MED12L: variants seen among roughly 807,000 people sequenced by gnomAD.
MED12L encodes mediator of RNA polymerase II transcription subunit 12-like protein.
Under a neutral mutation model 281.3 loss-of-function variants are expected in MED12L, and 60 were observed. That is an observed-to-expected ratio of 0.21 (90% CI 0.17 to 0.26). The LOEUF (loss-of-function observed/expected upper bound fraction) is 0.26, where lower values mean the gene tolerates loss of function less well. Among genes scored for constraint, MED12L ranks in the 10% least tolerant of loss-of-function variants. The probability of loss-of-function intolerance (pLI) is 1.00; values close to 1 mark genes in which losing one functional copy is unlikely to be tolerated. For synonymous variants in MED12L, 974 were observed against 987.2 expected (o/e 0.99, Z 0.25); for missense variants, 2,146 against 2,680.9 (o/e 0.80, Z 4.41).
intron 16 of MED12L, among the ~76,000 whole-genome samples, chr3:151,222,122 G>C (rs112984126): frequency 0.018 from 2,801 of 152,306 alleles, 82 homozygotes; most frequent in African/African-American, 0.064. Context: ...TAGCCCCTTT[G>C]TTTCAGCCAG....
At chr3:151,107,240 G>C (rs558565731) in intron 2 of MED12L, among the ~76,000 whole-genome samples, 2 of 152,270 alleles carry the variant, frequency 1.3e-5, no homozygotes, top group Admixed American at 1.3e-4. Flanking sequence ...TCTCCTTAGA[G>C]TTAATATTAT....
rs1415554779 is a variant in MED12L, at chr3:151,430,391, C to T, written c.6490+11C>T. On this transcript the variant is annotated intron_variant, in intron 44 of 44. Coordinates refer to ENST00000687756, the MANE Select transcript of MED12L (RefSeq NM_001393769.1). Reference sequence around the variant, plus strand: ...AGAAGCAGCTTTCCAGTAAGTACCCCTGTGTGTCATGGAACAGACAGCTCC... The same window carrying T: ...AGAAGCAGCTTTCCAGTAAGTACCCTTGTGTGTCATGGAACAGACAGCTCC... 6.2e-7 allele frequency: 1 copy of T among 1,613,826 alleles called. No homozygotes were observed. Among genetic ancestry groups the T allele is most frequent in the South Asian group, 1.1e-5 (1 of 91,066 alleles).
chr3:151,237,614 G>C (rs1733183120), intron 16 of MED12L, among the ~76,000 whole-genome samples: 1 of 152,034 alleles, frequency 6.6e-6, no homozygotes, highest in Non-Finnish European at 1.5e-5. Context: ...GCCTCCCAAA[G>C]TGCTGGGATT....
At chr3:151,205,590 G>A (rs901368756) in intron 16 of MED12L, among the ~76,000 whole-genome samples, 2 of 152,270 alleles carry the variant, frequency 1.3e-5, no homozygotes, top group Non-Finnish European at 1.5e-5. Flanking sequence ...GTTGGGGTCG[G>A]TGGTCACTGC....
chr3:151,371,488 G>A (rs1241252564), intron 26 of MED12L, among the ~76,000 whole-genome samples: 2 of 152,150 alleles, frequency 1.3e-5, no homozygotes, highest in African/African-American at 2.4e-5. Flanking sequence ...ATTATATATT[G>A]ATAAATTGAA....
intron 16 of MED12L, among the ~76,000 whole-genome samples, chr3:151,243,164 A>C (rs957196028): frequency 2.0e-5 from 3 of 152,056 alleles, no homozygotes; most frequent in African/African-American, 4.8e-5. Context: ...AGTGATGGGG[A>C]GAATGGAACC....
chr3:151,355,724 G>A (rs989354150), intron 18 of MED12L, among the ~76,000 whole-genome samples, 172 bp from the exon 19 acceptor site: 1 of 152,146 alleles, frequency 6.6e-6, no homozygotes, highest in Non-Finnish European at 1.5e-5. Context: ...TAGTTATGAA[G>A]AAATCATTTT....
At chr3:151,295,135 G>T (rs1189624744) in intron 16 of MED12L, 5 of 1,613,212 alleles carry the variant, frequency 3.1e-6, no homozygotes, top group Non-Finnish European at 4.2e-6. Flanking sequence ...CAAATTCATT[G>T]TGAAGGGTGG....
At position 151,368,586 on chromosome 3, in the gene MED12L, ATTTATTTTAT is replaced by A. The variant is rs71637017; in HGVS notation, c.3550+373_3550+382del. On this transcript the variant is annotated intron_variant, in intron 25 of 44. Coordinates refer to ENST00000687756, the MANE Select transcript of MED12L (RefSeq NM_001393769.1). Reference sequence around the variant, plus strand: ...ATCACAGCAGCTTAGGGCAATGGTGATTTATTTTATTTTATTTTATTTTATTTTATTTTAT... The same window carrying A: ...ATCACAGCAGCTTAGGGCAATGGTGATTTATTTTATTTTATTTTATTTTAT... Among the ~76,000 whole-genome samples the A allele has an allele frequency of 1.1e-3, 138 of 120,788 alleles. 2 individuals carry two copies. In the East Asian group the frequency reaches 0.014, roughly 12 times the overall value. The allele number at this position is 120,788 out of a possible 152,430, so 79.2% of individuals were successfully genotyped here.
rs1319547527 is a variant in MED12L, at chr3:151,165,446, A to G, written c.1284A>G (p.Glu428=). Residue 428 remains glutamate (E), a synonymous_variant, in exon 10 of 45, where the codon GAA becomes GAG. Transcript: ENST00000687756. ...TTCGGGCAAGGATTTATGAAGTAGA[A>G]CAACAGATAAAACAAAGAGGCCGTG... ...QQVRARIYEV[E]QQIKQRGRAV... The G allele has an allele frequency of 3.1e-6, 5 of 1,613,942 alleles. No homozygotes were observed. The highest frequency in any genetic ancestry group is 2.7e-5 in the African/African-American group (2 of 74,924).
rs551882344 is a variant in MED12L at position 151,395,501 on chromosome 3, TATA to T, written c.5820+636_5820+638del. Among the ~76,000 whole-genome samples, 769 of 152,332 alleles carry T rather than the reference TATA, an allele frequency of 5.0e-3. 6 individuals are homozygous for T. The highest frequency in any genetic ancestry group is 0.018 in the African/African-American group (734 of 41,582). ...TGTTTAAGAAAACATCAGCACTTAG[TATA>T]AACTCATGAAACACCTATGCGTCTG... On this transcript the variant is annotated intron_variant, in intron 39 of 44. Transcript: ENST00000687756.
intron 11 of MED12L, among the ~76,000 whole-genome samples, chr3:151,171,779 T>G (rs925690473): frequency 2.6e-5 from 4 of 152,332 alleles, no homozygotes; most frequent in Non-Finnish European, 5.9e-5. Flanking sequence ...GCTGGCGAAC[T>G]CTGCTTCACC....
intron 16 of MED12L, among the ~76,000 whole-genome samples, chr3:151,237,467 C>T (rs750462323): frequency 4.2e-4 from 61 of 146,460 alleles, no homozygotes; most frequent in Middle Eastern, 7.6e-3. Flanking sequence ...CTCCTGCCTC[C>T]GCCTCCCAAG....
At chr3:151,088,629 G>A (rs747005774) in intron 2 of MED12L, among the ~76,000 whole-genome samples, 2 of 152,088 alleles carry the variant, frequency 1.3e-5, no homozygotes, top group African/African-American at 4.8e-5. Context: ...CTCATTTCAC[G>A]ACTGGGGCCT....
At chr3:151,300,780 C>T (rs1460322478) in intron 16 of MED12L, among the ~76,000 whole-genome samples, 1 of 152,176 alleles carries the variant, frequency 6.6e-6, no homozygotes, top group Non-Finnish European at 1.5e-5. Flanking sequence ...TGAGCAGTTA[C>T]TTTTGTCCCT....
chr3:151,392,914 A>G (rs1479302847), intron 38 of MED12L, among the ~76,000 whole-genome samples: 1 of 152,270 alleles, frequency 6.6e-6, no homozygotes, highest in Non-Finnish European at 1.5e-5. Context: ...CTTTAAAAAG[A>G]ATTTCCCTTT....
chr3:151,120,184 C>T (rs571851835), intron 3 of MED12L, among the ~76,000 whole-genome samples: 1 of 151,780 alleles, frequency 6.6e-6, no homozygotes, highest in South Asian at 2.1e-4. Context: ...CGAAATCACA[C>T]CAGTGCATTC....
chr3:151,416,259 A>C, intron 42 of MED12L, 53 bp from the exon 43 acceptor site: 3 of 1,612,208 alleles, frequency 1.9e-6, no homozygotes, highest in Non-Finnish European at 2.5e-6. Flanking sequence ...CAGATTCAGC[A>C]ATGCTGTTTT....
At position 151,086,787 on chromosome 3, in the gene MED12L, C is replaced by G. The variant is rs966775476; in HGVS notation, c.-129-11C>G. ...GCAGCATCCAACCTGCTTTATTCCT[C>G]CTGCCTGCAGCGCCACAGCGAGCGA... On this transcript the variant is annotated splice_polypyrimidine_tract_variant and intron_variant, in intron 1 of 44. Transcript: ENST00000687756. 6 of 651,346 alleles carry G rather than the reference C, an allele frequency of 9.2e-6. No homozygotes were observed. In the African/African-American group the frequency reaches 1.1e-4, roughly 12 times the overall value. 40.3% of individuals were successfully genotyped at this position (651,346 alleles called of 1,614,324 possible).
Sources: gnomAD v4.1 joint callset for allele counts (sites outside exome capture counted in the v4.1 genomes callset) on GRCh38, gnomAD v4.1.1 for gene constraint, MANE v1.5 for transcripts, NCBI Gene and HGNC (gene_info 2026-07-23, HGNC 2026-07-21) for gene names.